Variants in EEA1 observed in about 807,000 individuals in gnomAD.
The protein encoded by EEA1 is early endosome antigen 1, 162kD.
EEA1 carries 111 observed loss-of-function variants against 209.2 expected under a neutral mutation model. The observed-to-expected ratio is 0.53, with a 90% CI of 0.45 to 0.62. The LOEUF is 0.62. EEA1 is among the 20% of genes least tolerant of loss of function. The probability of loss-of-function intolerance (pLI) is 0.00; values close to 1 mark genes in which losing one functional copy is unlikely to be tolerated. For synonymous variants in EEA1, 536 were observed against 540.6 expected (o/e 0.99, Z 0.12); for missense variants, 1,343 against 1,530.8 (o/e 0.88, Z 2.05).
intron 1 of EEA1, among the ~76,000 whole-genome samples, chr12:92,897,142 G>A (rs1310768522): frequency 6.6e-6 from 1 of 152,188 alleles, no homozygotes; most frequent in East Asian, 1.9e-4. Context: ...GAACTAAATT[G>A]AAAGGAAAAC....
Position 92,777,594 on chromosome 12 carries a change from A to C in EEA1, c.3963T>G (p.Asp1321Glu). ...TKVLELQRKLDNTTAAVQELG... is the reference protein window; with the variant it reads ...TKVLELQRKLENTTAAVQELG... ...GCTCCTGCACTGCTGCAGTTGTATT[A>C]TCCAGCTTTCTTTGCAATTCTAATA... The change falls in exon 27 of 29, where the codon GAT becomes GAG. Residue 1321 changes from aspartate (D) to glutamate (E), a missense_variant. Transcript: ENST00000322349. The C allele has an allele frequency of 1.2e-6, 2 of 1,612,488 alleles. No individual in the cohort carries two copies. The highest frequency in any genetic ancestry group is 1.7e-6 in the Non-Finnish European group (2 of 1,178,922).
Position 92,852,240 on chromosome 12 carries a change from C to G in EEA1, c.577G>C (p.Val193Leu). The G allele has an allele frequency of 6.2e-7, 1 of 1,602,792 alleles. No individual in the cohort carries two copies. The highest frequency in any genetic ancestry group is 8.5e-7 in the Non-Finnish European group (1 of 1,174,818). The change falls in exon 8 of 29, where the codon GTG becomes CTG. Residue 193 changes from valine to leucine, a missense_variant. Val to Leu is a conservative substitution (Grantham distance 32). Transcript: ENST00000322349. Reference sequence around the variant, plus strand: ...TTTAATTCTTCTGTCAGACGTGTCACTTTTTGTTCAGCAGCTTCTCGAAGA... The same window carrying G: ...TTTAATTCTTCTGTCAGACGTGTCAGTTTTTGTTCAGCAGCTTCTCGAAGA... ...RSLREAAEQK[V>L]TRLTEELNKE...
At chr12:92,872,047 A>ATTTT (rs56671465) in intron 2 of EEA1, among the ~76,000 whole-genome samples, 3 of 132,590 alleles carry the variant, frequency 2.3e-5, no homozygotes, top group African/African-American at 5.6e-5. Context: ...GGCCCAGCTA[A>ATTTT]TTTTTTTTTT....
intron 2 of EEA1, among the ~76,000 whole-genome samples, chr12:92,867,468 A>C (rs59440923): frequency 1.3e-5 from 2 of 152,180 alleles, no homozygotes; most frequent in Non-Finnish European, 2.9e-5. Context: ...TGGCCAAAAA[A>C]AAGAAGATCT....
At chr12:92,832,466 AG>A in intron 11 of EEA1, 45 bp downstream of exon 11, 1 of 1,529,278 alleles carries the variant, frequency 6.5e-7, no homozygotes, top group Non-Finnish European at 8.8e-7. Context: ...TACACGAAGA[AG>A]AAACCAGAGG....
chr12:92,905,885 C>T (rs57480251), intron 1 of EEA1, among the ~76,000 whole-genome samples: 1 of 149,856 alleles, frequency 6.7e-6, no homozygotes, highest in Admixed American at 6.6e-5. Flanking sequence ...TAGTTGTTTA[C>T]TGAGTATAAT....
intron 1 of EEA1, among the ~76,000 whole-genome samples, chr12:92,916,117 A>T (rs955318251): frequency 6.6e-6 from 1 of 152,210 alleles, no homozygotes. Context: ...CCACCATATG[A>T]TTAAAATTGA....
At chr12:92,869,139 A>G (rs754632711) in intron 2 of EEA1, among the ~76,000 whole-genome samples, 27 of 152,340 alleles carry the variant, frequency 1.8e-4, no homozygotes, top group Non-Finnish European at 3.5e-4. Flanking sequence ...CCAATTTGAT[A>G]TAAGAGACTC....
In EEA1 at chr12:92,816,323, T is replaced by A. The variant is rs1875781317; in HGVS notation, c.1806A>T (p.Val602=). 6.2e-7 allele frequency: 1 copy of A among 1,613,928 alleles called. No homozygotes were observed. Among genetic ancestry groups the A allele is most frequent in the South Asian group, 1.1e-5 (1 of 91,092 alleles). ...CTCTAAGATGTGCCTTCTGCTCTTG[T>A]ACCTGGTCATGCAAATTCTCCTGGG... ...KQAQENLHDQ[V]QEQKAHLRAA... The change falls in exon 15 of 29, where the codon GTA becomes GTT. Residue 602 remains valine, a synonymous_variant. Coordinates refer to ENST00000322349, the MANE Select transcript of EEA1 (RefSeq NM_003566.4).
intron 18 of EEA1, among the ~76,000 whole-genome samples, chr12:92,805,915 T>C (rs1875180730): frequency 6.6e-6 from 1 of 152,228 alleles, no homozygotes; most frequent in Admixed American, 6.5e-5. Context: ...TTGAGCACTT[T>C]AGTGCAAATT....
Position 92,884,038 on chromosome 12 carries a change from G to A in EEA1, c.117+7591C>T. The A allele has an allele frequency of 4.4e-6, 6 of 1,373,072 alleles. No homozygotes were observed. In the South Asian group the frequency reaches 5.8e-5, roughly 13 times the overall value. 85.1% of individuals were successfully genotyped at this position (1,373,072 alleles called of 1,614,324 possible). A position where few individuals can be genotyped will look rare whatever the true frequency, so the allele number is the denominator to read the frequency against. On this transcript the variant is annotated intron_variant, in intron 2 of 28. Coordinates refer to ENST00000322349, the MANE Select transcript of EEA1 (RefSeq NM_003566.4). Reference sequence around the variant, plus strand: ...TGGAAGAGTTGTGGAACCAAAGAGAGCTGTCTCAAGAGAAGATTCTCAAAG... The same window carrying A: ...TGGAAGAGTTGTGGAACCAAAGAGAACTGTCTCAAGAGAAGATTCTCAAAG...
chr12:92,841,994 T>G (rs1027097908), intron 10 of EEA1, among the ~76,000 whole-genome samples: 2 of 152,092 alleles, frequency 1.3e-5, no homozygotes, highest in African/African-American at 4.8e-5. Flanking sequence ...GAATAACATA[T>G]ATACATACAA....
intron 24 of EEA1, among the ~76,000 whole-genome samples, chr12:92,780,049 G>A (rs985748086): frequency 6.6e-6 from 1 of 151,912 alleles, no homozygotes; most frequent in Non-Finnish European, 1.5e-5. Flanking sequence ...CAAACTCTTA[G>A]GGTTACTTTG....
At chr12:92,823,517 T>C (rs1482174901) in intron 13 of EEA1, among the ~76,000 whole-genome samples, 2 of 152,240 alleles carry the variant, frequency 1.3e-5, no homozygotes, top group Non-Finnish European at 2.9e-5. Flanking sequence ...AAGTTTTCCA[T>C]GGCTGCTCCT....
chr12:92,811,345 A>G lies in EEA1; in HGVS notation c.2133T>C (p.Leu711=), dbSNP rs1875490107. The G allele has an allele frequency of 1.5e-5, 24 of 1,607,456 alleles. No homozygotes were observed. The highest frequency in any genetic ancestry group is 2.0e-5 in the Non-Finnish European group (23 of 1,177,208). Residue 711 remains leucine, a synonymous_variant, in exon 17 of 29, where the codon CTT becomes CTC. Coordinates refer to ENST00000322349, the MANE Select transcript of EEA1 (RefSeq NM_003566.4). ...QEHCSQLESH[L]KEYKEKYLSL... Reference sequence around the variant, plus strand: ...AGAGGTATTTCTCTTTATATTCTTTAAGATGACTTTCCAGCTGACTGCAAT... The same window carrying G: ...AGAGGTATTTCTCTTTATATTCTTTGAGATGACTTTCCAGCTGACTGCAAT...
chr12:92,777,973 A>T lies in EEA1; in HGVS notation c.3861T>A (p.Asn1287Lys). 1 of 1,613,296 alleles carries T rather than the reference A, an allele frequency of 6.2e-7. No individual in the cohort carries two copies. The highest frequency in any genetic ancestry group is 8.5e-7 in the Non-Finnish European group (1 of 1,179,474). Residue 1287 changes from asparagine to lysine, a missense_variant, in exon 26 of 29, where the codon AAT becomes AAA. Asn to Lys is a moderately conservative substitution (Grantham distance 94, BLOSUM62 0). Transcript: ENST00000322349. ...GTAGTGCTCTCCTTTCATCTTGATT[A>T]TTCTGAACCGTTGCTTCTAATACTG... ...EIAVLEATVQNNQDERRALLE... is the reference protein window; with the variant it reads ...EIAVLEATVQKNQDERRALLE...
chr12:92,916,854 T>A (rs1015758325), intron 1 of EEA1, among the ~76,000 whole-genome samples: 4 of 135,210 alleles, frequency 3.0e-5, no homozygotes, highest in African/African-American at 1.2e-4. Flanking sequence ...GAAAAAAATT[T>A]AGAAGAATGT....
At chr12:92,886,096 A>G (rs1879369581) in intron 2 of EEA1, among the ~76,000 whole-genome samples, 2 of 152,054 alleles carry the variant, frequency 1.3e-5, no homozygotes, top group South Asian at 2.1e-4. Context: ...CCAGACAGAA[A>G]ATATAGAATA....
chr12:92,921,516 G>A lies in EEA1; in HGVS notation c.24+7527C>T, dbSNP rs866421747. On this transcript the variant is annotated intron_variant, in intron 1 of 28. Transcript: ENST00000322349. ...TCACAAGAACAAAAAACCAAACACC[G>A]CATATTCTCACTCATAGGTGGGAAT... Among the ~76,000 whole-genome samples, 183 of 117,814 alleles carry A rather than the reference G, an allele frequency of 1.6e-3. 1 individual carries two copies. The highest frequency in any genetic ancestry group is 3.0e-3 in the South Asian group (11 of 3,636). The allele number at this position is 117,814 out of a possible 152,430, so 77.3% of individuals were successfully genotyped here.
Sources: gnomAD v4.1 joint callset for allele counts (sites outside exome capture counted in the v4.1 genomes callset) on GRCh38, gnomAD v4.1.1 for gene constraint, MANE v1.5 for transcripts, NCBI Gene and HGNC (gene_info 2026-07-23, HGNC 2026-07-21) for gene names.